The following CTPS2 variants were observed in gnomAD, a reference collection of about 807,000 sequenced individuals.
CTPS2 encodes the protein CTP synthase 2.
CTPS2 carries 19 observed loss-of-function variants against 46.8 expected under a neutral mutation model. That is an observed-to-expected ratio of 0.41 (90% confidence interval 0.28 to 0.60). The LOEUF is 0.60. Ranked by LOEUF, CTPS2 falls within the 20% of genes least tolerant of loss-of-function variation. The pLI, the probability that CTPS2 is intolerant of heterozygous loss-of-function variation, is 0.35. For synonymous variants in CTPS2, 151 were observed against 165.2 expected, an observed-to-expected ratio of 0.91 and a Z score of 0.66; for missense variants, 286 against 447.6, an observed-to-expected ratio of 0.64 and a Z score of 3.26.
intron 13 of CTPS2, among the ~76,000 whole-genome samples, chrX:16,657,127 C>A (rs1337753921): frequency 9.4e-6 from 1 of 106,658 alleles, no homozygotes; most frequent in Non-Finnish European, 1.9e-5. Context: ...TGGGCTCAAG[C>A]AATCCACCCA....
intron 13 of CTPS2, among the ~76,000 whole-genome samples, chrX:16,661,581 A>G (rs1399341474): frequency 8.9e-6 from 1 of 112,228 alleles, no homozygotes; most frequent in Non-Finnish European, 1.9e-5. Context: ...CATGTATAAC[A>G]AAAATCAACT....
In CTPS2 at chrX:16,709,848, CAAAAAAAAAAAA is replaced by C. The variant is rs35017705; in HGVS notation, c.-40+2475_-40+2486del. ...TGGTGACAGAGTGAGACTCTGTCTC[CAAAAAAAAAAAA>C]AAAAAAAAAAAAACAGATTTCTATC... On this transcript the variant is annotated intron_variant, in intron 1 of 18. Coordinates refer to ENST00000359276, the MANE Select transcript of CTPS2 (RefSeq NM_175859.3). 2.2e-3 allele frequency among the ~76,000 whole-genome samples: 52 copies of C among 23,752 alleles called. 1 individual carries two copies. The highest frequency in any genetic ancestry group is 8.8e-3 in the African/African-American group (49 of 5,550). 20.6% of individuals were successfully genotyped at this position (23,752 alleles called of 115,157 possible).
At chrX:16,670,514 G>T in intron 11 of CTPS2, 66 bp downstream of exon 11, 1 of 836,749 alleles carries the variant, frequency 1.2e-6, no homozygotes, top group Middle Eastern at 2.9e-4. Flanking sequence ...AACCTTTAGT[G>T]TTACCCCTCC....
rs183509579 is a variant in CTPS2, at chrX:16,701,539, G to A, written c.166+1198C>T. 7.4e-4 allele frequency among the ~76,000 whole-genome samples: 81 copies of A among 109,730 alleles called. 1 individual carries two copies. The highest frequency in any genetic ancestry group is 1.2e-3 in the Non-Finnish European group (65 of 52,493). The stretch of plus-strand genomic sequence containing the variant: ...TTGGCCACTGCACTCCAGCCTGGGC[G>A]ATAGAGTGAGACCCTGTCTCAAAAA... On this transcript the variant is annotated intron_variant, in intron 2 of 18. Transcript: ENST00000359276.
intron 13 of CTPS2, among the ~76,000 whole-genome samples, chrX:16,648,190 T>C (rs1345499864): frequency 8.9e-6 from 1 of 112,116 alleles, no homozygotes; most frequent in Non-Finnish European, 1.9e-5. Context: ...GAAAAGATGA[T>C]TTAAGATGCT....
At chrX:16,619,664 G>A (rs934744779) in intron 15 of CTPS2, among the ~76,000 whole-genome samples, 14 of 111,414 alleles carry the variant, frequency 1.3e-4, no homozygotes, top group Non-Finnish European at 1.5e-4. Context: ...AACAAGCAGG[G>A]ATTTCTGTTC....
intron 17 of CTPS2, among the ~76,000 whole-genome samples, 194 bp downstream of exon 17, chrX:16,609,347 A>T (rs1930146971): frequency 8.9e-6 from 1 of 112,356 alleles, no homozygotes. Context: ...TGTCATCACG[A>T]TTTGGAAAGC....
At chrX:16,673,122 G>A (rs991487601) in intron 10 of CTPS2, among the ~76,000 whole-genome samples, 5 of 108,895 alleles carry the variant, frequency 4.6e-5, no homozygotes, top group South Asian at 8.1e-4. Flanking sequence ...TCCTGACCTC[G>A]TGATCCGCCC....
intron 14 of CTPS2, among the ~76,000 whole-genome samples, chrX:16,630,321 C>A (rs1225699125): frequency 2.1e-5 from 2 of 94,528 alleles, no homozygotes; most frequent in East Asian, 6.8e-4. Flanking sequence ...GTGGTGTGAT[C>A]TCGGCTCACT....
chrX:16,636,653 G>A (rs7061924), intron 14 of CTPS2, among the ~76,000 whole-genome samples: 10,386 of 111,442 alleles, frequency 0.093, 820 homozygotes, highest in African/African-American at 0.26. Context: ...GGCCGGGCGC[G>A]GTGGCTCACG....
At chrX:16,680,575 G>A (rs1206508546) in intron 9 of CTPS2, among the ~76,000 whole-genome samples, 6 of 99,068 alleles carry the variant, frequency 6.1e-5, no homozygotes, top group African/African-American at 7.4e-5. Context: ...AAAAGAAAAA[G>A]AAAAGAAAAG....
chrX:16,702,222 T>C (rs1231385777), intron 2 of CTPS2, among the ~76,000 whole-genome samples: 1 of 109,890 alleles, frequency 9.1e-6, no homozygotes, highest in African/African-American at 3.3e-5. Flanking sequence ...GCCCAGCTAA[T>C]GTTTTGTATT....
intron 2 of CTPS2, among the ~76,000 whole-genome samples, chrX:16,700,063 G>A (rs2147376202): frequency 9.3e-6 from 1 of 107,593 alleles, no homozygotes; most frequent in East Asian, 2.9e-4. Context: ...TTCCCAAGTA[G>A]CTGGGATTAC....
chrX:16,597,505 G>T (rs756051918), intron 17 of CTPS2, among the ~76,000 whole-genome samples: 46 of 111,686 alleles, frequency 4.1e-4, no homozygotes, highest in African/African-American at 1.2e-3. Context: ...GATAGTTGCA[G>T]ATATGCGGTG....
intron 10 of CTPS2, 137 bp downstream of exon 10, chrX:16,678,225 A>G: frequency 2.0e-6 from 1 of 507,227 alleles, no homozygotes; most frequent in Non-Finnish European, 3.6e-6. Flanking sequence ...ATCGTGGAAC[A>G]ATCACCTGCA....
intron 10 of CTPS2, among the ~76,000 whole-genome samples, chrX:16,675,824 G>C (rs1351336560): frequency 8.9e-6 from 1 of 112,243 alleles, no homozygotes; most frequent in Admixed American, 9.5e-5. Flanking sequence ...CTCTCATGGA[G>C]AGCTGAAATG....
intron 14 of CTPS2, among the ~76,000 whole-genome samples, chrX:16,623,243 T>TG (rs1930932051): frequency 8.9e-6 from 1 of 112,069 alleles, no homozygotes; most frequent in Non-Finnish European, 1.9e-5. Context: ...CCTCAAGCAT[T>TG]TATCCTTTCA....
chrX:16,627,351 G>A (rs1012581511), intron 14 of CTPS2, among the ~76,000 whole-genome samples: 1 of 112,332 alleles, frequency 8.9e-6, no homozygotes. Flanking sequence ...GATATTTGTT[G>A]TATTTCGCTT....
intron 13 of CTPS2, among the ~76,000 whole-genome samples, chrX:16,666,078 T>G (rs951385408): frequency 8.9e-6 from 1 of 112,022 alleles, no homozygotes; most frequent in African/African-American, 3.2e-5. Context: ...ATGGCTAAAT[T>G]TTGTGGTATA....
Sources: allele counts gnomAD v4.1 joint callset (sites outside exome capture counted in the v4.1 genomes callset), GRCh38; gene constraint gnomAD v4.1.1; transcripts MANE v1.5; gene names NCBI Gene and HGNC (gene_info 2026-07-23, HGNC 2026-07-21).